ALS2: variants seen among roughly 807,000 people sequenced by gnomAD.
ALS2 encodes alsin Rho guanine nucleotide exchange factor ALS2.
ALS2 carries 117 observed loss-of-function variants against 203.4 expected under a neutral mutation model. The ratio of observed to expected loss-of-function variants is 0.58; its 90% CI spans 0.50 to 0.67. The LOEUF (loss-of-function observed/expected upper bound fraction) is 0.67, where lower values mean the gene tolerates loss of function less well. Among genes scored for constraint, ALS2 ranks in the 30% least tolerant of loss-of-function variants. ALS2 has a pLI of 0.00. For missense variants in ALS2, 1,715 were observed against 1,989.4 expected (o/e 0.86, Z 2.62); for synonymous variants, 718 against 725.9 (o/e 0.99, Z 0.17).
intron 5 of ALS2, among the ~76,000 whole-genome samples, chr2:201,755,835 T>C (rs1693350582): frequency 6.6e-6 from 1 of 152,200 alleles, no homozygotes; most frequent in Admixed American, 6.5e-5. Context: ...GAATAGTGTT[T>C]GATGCCAGGA....
At chr2:201,759,758 C>T (rs909768879) in intron 4 of ALS2, 4 of 984,934 alleles carry the variant, frequency 4.1e-6, no homozygotes, top group Admixed American at 6.2e-5. Flanking sequence ...ACAGAGTAAA[C>T]AATAAGAATT....
chr2:201,772,307 T>A (rs1694429891), intron 1 of ALS2, among the ~76,000 whole-genome samples: 1 of 152,128 alleles, frequency 6.6e-6, no homozygotes, highest in African/African-American at 2.4e-5. Context: ...AACAATCTAG[T>A]CTAGATGTCC....
chr2:201,746,854 T>A, intron 8 of ALS2, 106 bp from the exon 9 acceptor site: 1 of 1,300,894 alleles, frequency 7.7e-7, no homozygotes, highest in Non-Finnish European at 1.1e-6. Context: ...CGTGGTGCAG[T>A]CAGTCATATC....
chr2:201,754,702 G>A (rs750831558), intron 5 of ALS2, 31 bp from the exon 6 acceptor site: 64 of 1,613,102 alleles, frequency 4.0e-5, no homozygotes, highest in Non-Finnish European at 5.1e-5. Context: ...GGGTGAAGGA[G>A]TGGGAGTCCA....
At position 201,754,612 on chromosome 2, in the gene ALS2, G is replaced by A. The variant is rs534602366; in HGVS notation, c.1531C>T (p.Pro511Ser). The A allele has an allele frequency of 1.2e-6, 2 of 1,614,124 alleles. No homozygotes were observed. The highest frequency in any genetic ancestry group is 8.5e-7 in the Non-Finnish European group (1 of 1,180,008). Residue 511 changes from proline (P) to serine (S), a missense_variant, in exon 6 of 34, where the codon CCC (proline) becomes TCC (serine). This residue lies in a region of ALS2 where 1,227 missense variants were observed against 1,413.5 expected (regional missense o/e 0.87). Coordinates refer to ENST00000264276, the MANE Select transcript of ALS2 (RefSeq NM_020919.4). ...GCATCTGCTTCTCCACTGTATGTGG[G>A]GGTCAGAACCACTGTCCTCGTTTTC... is the stretch of plus-strand genomic sequence containing the variant. ...RVKTRTVVLT[P>S]TYSGEADALL...
intron 12 of ALS2, among the ~76,000 whole-genome samples, chr2:201,734,606 T>A (rs1480230211): frequency 6.6e-6 from 1 of 152,238 alleles, no homozygotes; most frequent in Non-Finnish European, 1.5e-5. Context: ...TGTTCTGCTT[T>A]GACCTGCTCC....
intron 5 of ALS2, 73 bp downstream of exon 5, chr2:201,757,329 A>C: frequency 1.7e-6 from 2 of 1,211,718 alleles, no homozygotes; most frequent in Non-Finnish European, 2.4e-6. Context: ...CTTTTTTAAT[A>C]ATACAGCATG....
intron 6 of ALS2, among the ~76,000 whole-genome samples, chr2:201,753,664 T>C (rs1334155492): frequency 6.6e-6 from 1 of 152,208 alleles, no homozygotes; most frequent in African/African-American, 2.4e-5. Context: ...CTTCCCAATA[T>C]CTAATTTGTT....
intron 5 of ALS2, among the ~76,000 whole-genome samples, chr2:201,756,770 A>G (rs1251369889): frequency 6.6e-6 from 1 of 152,216 alleles, no homozygotes; most frequent in Non-Finnish European, 1.5e-5. Flanking sequence ...GTGCATACTA[A>G]TCACCTGGGG....
In ALS2 at chr2:201,727,197, C is replaced by T. The variant is rs1293991652; in HGVS notation, c.2979+15G>A. 3 of 1,602,142 alleles carry T rather than the reference C, an allele frequency of 1.9e-6. No individual in the cohort carries two copies. In the South Asian group the frequency reaches 3.3e-5, roughly 18 times the overall value. On this transcript the variant is annotated intron_variant, in intron 17 of 33. Coordinates refer to ENST00000264276, the MANE Select transcript of ALS2 (RefSeq NM_020919.4). The stretch of plus-strand genomic sequence containing the variant: ...CCAGGGCGAAGATTGAAGGAAAATA[C>T]CATAATAGACTAACCTTTTCCTGGG...
intron 11 of ALS2, among the ~76,000 whole-genome samples, chr2:201,739,952 G>A (rs12151523): frequency 6.6e-6 from 1 of 151,900 alleles, no homozygotes; most frequent in Non-Finnish European, 1.5e-5. Flanking sequence ...GAAACTCCTA[G>A]TAAAATTAGC....
chr2:201,760,985 GTA>G lies in ALS2; in HGVS notation c.1007_1008del (p.Ile336ThrfsTer5), dbSNP rs386134175. Reference protein sequence around the residue: ...GTTEISSARNIPSYPDTQAVN... With the variant: ...GTTEISSARNXPSYPDTQAVN... ...ACTGCTTGGGTGTCAGGGTATGATG[GTA>G]TGTTTCTGGCAGAGGAAATTTCAGT... is the stretch of plus-strand genomic sequence containing the variant. On this transcript the variant is annotated frameshift_variant, in exon 4 of 34. Coordinates refer to ENST00000264276, the MANE Select transcript of ALS2 (RefSeq NM_020919.4). LOFTEE classifies it high-confidence loss of function. The G allele has an allele frequency of 1.2e-6, 2 of 1,614,026 alleles. No individual in the cohort carries two copies. The highest frequency in any genetic ancestry group is 1.7e-6 in the Non-Finnish European group (2 of 1,180,036).
intron 3 of ALS2, 97 bp downstream of exon 3, chr2:201,767,132 G>C: frequency 1.4e-6 from 2 of 1,384,758 alleles, no homozygotes; most frequent in East Asian, 4.7e-5. Context: ...AAAAGAAAAA[G>C]AACCCCTAGT....
rs1271677864 is a variant in ALS2, at chr2:201,761,905, G to T, written c.176-87C>A. On this transcript the variant is annotated intron_variant, in intron 3 of 33. Transcript: ENST00000264276. ...AACAGCAAACTTTTAGTCCCCTATA[G>T]ATTTAACCAAATTGGATTTTCTTTT... The T allele has an allele frequency of 6.5e-6, 9 of 1,380,098 alleles. No individual in the cohort carries two copies. In the East Asian group the frequency reaches 2.0e-4, roughly 30 times the overall value. The allele number at this position is 1,380,098 out of a possible 1,614,324, so 85.5% of individuals were successfully genotyped here.
chr2:201,740,905 C>T (rs1187972393), intron 11 of ALS2, among the ~76,000 whole-genome samples: 1 of 152,068 alleles, frequency 6.6e-6, no homozygotes, highest in African/African-American at 2.4e-5. Flanking sequence ...TTTCGCAGGC[C>T]CCATGCTGTG....
chr2:201,750,583 C>CA (rs1692971438), intron 7 of ALS2, among the ~76,000 whole-genome samples: 2 of 110,384 alleles, frequency 1.8e-5, no homozygotes, highest in African/African-American at 5.1e-5. Flanking sequence ...CACGACACTA[C>CA]AGACAAAAGA....
intron 24 of ALS2, 94 bp downstream of exon 24, chr2:201,717,983 T>C (rs1690519505): frequency 1.5e-6 from 2 of 1,299,486 alleles, no homozygotes; most frequent in Admixed American, 4.3e-5. Context: ...CTTTAAGAAC[T>C]TGACTTTGCT....
rs13426362 is a variant in ALS2, at chr2:201,728,259, C to T, written c.2841+253G>A. ...ATCCCTCCCTCCTCCCCCGACCCCA[C>T]GACAGGCCCCGGTGTGTGATGTTTC... On this transcript the variant is annotated intron_variant, in intron 15 of 33. Transcript: ENST00000264276. Among the ~76,000 whole-genome samples the T allele has an allele frequency of 0.015, 2,268 of 152,158 alleles. 42 individuals carry two copies. The highest frequency in any genetic ancestry group is 0.051 in the African/African-American group (2,122 of 41,486).
At chr2:201,749,304 T>C (rs552787333) in intron 8 of ALS2, among the ~76,000 whole-genome samples, 1 of 152,164 alleles carries the variant, frequency 6.6e-6, no homozygotes, top group African/African-American at 2.4e-5. Context: ...CTACTCTGCA[T>C]GTTATTTTTA....
Sources: allele counts gnomAD v4.1 joint callset (sites outside exome capture counted in the v4.1 genomes callset), GRCh38; gene constraint gnomAD v4.1.1; regional missense constraint gnomAD v4.1.1; transcripts MANE v1.5; gene names NCBI Gene and HGNC (gene_info 2026-07-23, HGNC 2026-07-21).